PAX5: variants seen among roughly 807,000 people sequenced by gnomAD.
The protein encoded by PAX5 is paired box protein Pax-5.
A neutral mutation model predicts 43.7 loss-of-function variants in PAX5; 9 were observed. That is an observed-to-expected ratio of 0.21 (90% CI 0.12 to 0.36). The LOEUF is 0.36. Among genes scored for constraint, PAX5 ranks in the 10% least tolerant of loss-of-function variants. The pLI is 1.00. For missense variants in PAX5, 383 were observed against 532.7 expected (o/e 0.72, Z 2.77); for synonymous variants, 228 against 214.3 (o/e 1.06, Z -0.56).
intron 8 of PAX5, among the ~76,000 whole-genome samples, chr9:36,868,402 G>T (rs938088887): frequency 6.6e-6 from 1 of 152,244 alleles, no homozygotes; most frequent in Admixed American, 6.5e-5. Context: ...GGAGACGGGC[G>T]CACGGGGTCT....
chr9:36,987,383 G>A (rs1174882964), intron 5 of PAX5, among the ~76,000 whole-genome samples: 4 of 152,226 alleles, frequency 2.6e-5, no homozygotes, highest in African/African-American at 9.7e-5. Context: ...CACAGAGCGG[G>A]TATGTGAGAT....
At chr9:36,880,291 G>C (rs911940954) in intron 8 of PAX5, among the ~76,000 whole-genome samples, 3 of 152,248 alleles carry the variant, frequency 2.0e-5, no homozygotes, top group African/African-American at 7.2e-5. Context: ...GCACATCCAA[G>C]CTCCGTCCAC....
intron 1 of PAX5, among the ~76,000 whole-genome samples, chr9:37,024,202 A>G (rs1448063117): frequency 6.6e-6 from 1 of 152,188 alleles, no homozygotes; most frequent in Non-Finnish European, 1.5e-5. Context: ...TGGTAAAGAT[A>G]CCTAGGGGAA....
At chr9:37,033,486 T>A (rs1841196838) in intron 1 of PAX5, among the ~76,000 whole-genome samples, 1 of 152,186 alleles carries the variant, frequency 6.6e-6, no homozygotes, top group African/African-American at 2.4e-5. Flanking sequence ...TACACTCAGA[T>A]ATTTCCGAAT....
intron 6 of PAX5, among the ~76,000 whole-genome samples, chr9:36,926,584 C>G (rs1213070114): frequency 6.6e-6 from 1 of 152,224 alleles, no homozygotes; most frequent in Non-Finnish European, 1.5e-5. Flanking sequence ...ATTTAGAATT[C>G]CACTCACTGG....
At chr9:37,026,426 C>G in intron 1 of PAX5, 1 of 983,332 alleles carries the variant, frequency 1.0e-6, no homozygotes, top group South Asian at 1.4e-5. Context: ...AGCTGCGCGG[C>G]TGCAGAGGTC....
At chr9:36,879,626 C>G (rs142173963) in intron 8 of PAX5, among the ~76,000 whole-genome samples, 2 of 152,202 alleles carry the variant, frequency 1.3e-5, no homozygotes, top group Admixed American at 6.5e-5. Context: ...GCAAGCTGCA[C>G]AGCCCCCCGG....
chr9:36,906,529 T>A (rs1385611810), intron 7 of PAX5, among the ~76,000 whole-genome samples: 3 of 152,186 alleles, frequency 2.0e-5, no homozygotes, highest in Non-Finnish European at 2.9e-5. Context: ...ACTCTTTGAT[T>A]TTAGGACTTC....
At chr9:36,989,006 C>T (rs1419530659) in intron 5 of PAX5, among the ~76,000 whole-genome samples, 1 of 152,188 alleles carries the variant, frequency 6.6e-6, no homozygotes, top group East Asian at 1.9e-4. Context: ...CCCCAGTCTA[C>T]TCACGGTGCC....
intron 5 of PAX5, among the ~76,000 whole-genome samples, chr9:36,982,001 C>G (rs1040605931): frequency 1.3e-5 from 2 of 152,204 alleles, no homozygotes; most frequent in African/African-American, 4.8e-5. Context: ...CCTGTGGCTC[C>G]CCACTGTAAT....
rs113763705 is a variant in PAX5 at position 36,855,095 on chromosome 9, C to G, written c.1013-8166G>C. On this transcript the variant is annotated intron_variant, in intron 8 of 9. Transcript: ENST00000358127. ...ACAAAAACCCAAATCCAAGGATCCT[C>G]TAGGGAATTCAGTGGAAACAAACTC... Among the ~76,000 whole-genome samples the G allele has an allele frequency of 9.8e-3, 1,495 of 152,342 alleles. 22 individuals are homozygous for G. Among genetic ancestry groups the G allele is most frequent in the African/African-American group, 0.034 (1,401 of 41,566 alleles).
intron 6 of PAX5, among the ~76,000 whole-genome samples, chr9:36,929,672 C>T (rs1830966269): frequency 1.3e-5 from 2 of 152,222 alleles, no homozygotes; most frequent in African/African-American, 4.8e-5. Context: ...GTCAGCAATT[C>T]ACAGATTTCC....
intron 6 of PAX5, among the ~76,000 whole-genome samples, chr9:36,959,963 GGTAA>G (rs1833814164): frequency 6.6e-6 from 1 of 152,308 alleles, no homozygotes; most frequent in Admixed American, 6.5e-5. Flanking sequence ...AATGAGGTGG[GGTAA>G]GTAAGAGTCT....
intron 6 of PAX5, among the ~76,000 whole-genome samples, chr9:36,948,838 G>A (rs917670497): frequency 3.3e-5 from 5 of 150,610 alleles, no homozygotes; most frequent in Admixed American, 1.3e-4. Flanking sequence ...CTCCTTTCCT[G>A]CCCAACCCAG....
chr9:36,879,904 A>T (rs1826252640), intron 8 of PAX5, among the ~76,000 whole-genome samples: 2 of 152,156 alleles, frequency 1.3e-5, no homozygotes, highest in African/African-American at 4.8e-5. Context: ...CACCTCTGTG[A>T]TCTGCCACAG....
At chr9:36,988,661 T>C (rs1211790455) in intron 5 of PAX5, among the ~76,000 whole-genome samples, 3 of 20,352 alleles carry the variant, frequency 1.5e-4, no homozygotes, top group African/African-American at 7.3e-4. Context: ...AGACCCTGTC[T>C]CAAAAAAAAA....
chr9:36,994,063 C>T (rs1410377623), intron 5 of PAX5, among the ~76,000 whole-genome samples: 1 of 152,172 alleles, frequency 6.6e-6, no homozygotes, highest in Non-Finnish European at 1.5e-5. Flanking sequence ...GACCCAGGAG[C>T]GAGGAGGAAC....
At chr9:36,881,970 G>C (rs2131761425) in intron 8 of PAX5, 34 bp downstream of exon 8, 1 of 1,527,026 alleles carries the variant, frequency 6.5e-7, no homozygotes, top group Non-Finnish European at 9.0e-7. Context: ...CCCGTCCGCT[G>C]CCTGCTGTGG....
At chr9:36,939,402 T>C (rs547494809) in intron 6 of PAX5, among the ~76,000 whole-genome samples, 2 of 152,238 alleles carry the variant, frequency 1.3e-5, no homozygotes, top group African/African-American at 2.4e-5. Context: ...AGACCCTGGG[T>C]AGGCCCTGCT....
Sources: allele counts gnomAD v4.1 joint callset (sites outside exome capture counted in the v4.1 genomes callset), GRCh38; gene constraint gnomAD v4.1.1; transcripts MANE v1.5; gene names NCBI Gene and HGNC (gene_info 2026-07-23, HGNC 2026-07-21).